Variants in ABCC4 observed in about 807,000 individuals in gnomAD.
ABCC4 encodes ATP-binding cassette sub-family C member 4.
ABCC4 carries 102 observed loss-of-function variants against 168.5 expected under a neutral mutation model. The ratio of observed to expected loss-of-function variants is 0.61; its 90% CI spans 0.52 to 0.71. ABCC4 has a LOEUF of 0.71. Among genes scored for constraint, ABCC4 ranks in the 30% least tolerant of loss-of-function variants. The probability of loss-of-function intolerance (pLI) is 0.00; values close to 1 mark genes in which losing one functional copy is unlikely to be tolerated. For synonymous variants in ABCC4, 617 were observed against 590.7 expected (o/e 1.04, Z -0.65); for missense variants, 1,402 against 1,605.8 (o/e 0.87, Z 2.17).
At chr13:95,037,362 A>C (rs1459008226) in intron 29 of ABCC4, among the ~76,000 whole-genome samples, 1 of 152,220 alleles carries the variant, frequency 6.6e-6, no homozygotes, top group Non-Finnish European at 1.5e-5. Context: ...AATAGAATGG[A>C]TAAGGTAATT....
intron 1 of ABCC4, among the ~76,000 whole-genome samples, chr13:95,258,857 T>G (rs2040456965): frequency 6.6e-6 from 1 of 152,224 alleles, no homozygotes; most frequent in African/African-American, 2.4e-5. Context: ...ATTGAAAGAA[T>G]AGTGCATTGT....
At chr13:95,182,307 T>C (rs140486545) in intron 11 of ABCC4, among the ~76,000 whole-genome samples, 9 of 150,752 alleles carry the variant, frequency 6.0e-5, no homozygotes, top group South Asian at 2.1e-4. Context: ...GTGAGCTATA[T>C]AGAAAAACAT....
chr13:95,030,087 G>A lies in ABCC4; in HGVS notation c.3870+4518C>T, dbSNP rs577046661. 7.9e-5 allele frequency among the ~76,000 whole-genome samples: 12 copies of A among 152,112 alleles called. No individual in the cohort carries two copies. In the East Asian group the frequency reaches 9.7e-4, roughly 12 times the overall value. On this transcript the variant is annotated intron_variant, in intron 30 of 30. Coordinates refer to ENST00000645237, the MANE Select transcript of ABCC4 (RefSeq NM_005845.5). ...CCAGGCTAGAGTGCAGTCGTGTGAC[G>A]TAGGCTCACTGCAACCTCCATCTCC...
At chr13:95,100,633 T>G (rs1443462967) in intron 20 of ABCC4, among the ~76,000 whole-genome samples, 1 of 152,200 alleles carries the variant, frequency 6.6e-6, no homozygotes, top group Non-Finnish European at 1.5e-5. Flanking sequence ...AATGTGGCAG[T>G]TGGCATGAAT....
chr13:95,225,979 A>AG (rs1352692122), intron 4 of ABCC4, among the ~76,000 whole-genome samples: 8 of 148,752 alleles, frequency 5.4e-5, no homozygotes, highest in Non-Finnish European at 8.9e-5. Flanking sequence ...AAAAAAAAAA[A>AG]AAAAAGAAAA....
intron 3 of ABCC4, among the ~76,000 whole-genome samples, chr13:95,244,670 A>AAATAAATCAATCAATC (rs1555336345): frequency 9.4e-6 from 1 of 106,358 alleles, no homozygotes; most frequent in Non-Finnish European, 2.1e-5. Context: ...AGAAAGAAAG[A>AAATAAATCAATCAATC]AATCATAGCA....
intron 22 of ABCC4, 127 bp downstream of exon 22, chr13:95,075,305 C>T (rs953154701): frequency 7.9e-6 from 10 of 1,272,514 alleles, no homozygotes; most frequent in African/African-American, 3.0e-5. Context: ...GACGAAGATG[C>T]GCAAAAAAAG....
Position 95,178,106 on chromosome 13 carries a change from G to C in ABCC4, c.1546-15C>G. On this transcript the variant is annotated splice_polypyrimidine_tract_variant and intron_variant, in intron 11 of 30. Transcript: ENST00000645237. Reference sequence around the variant, plus strand: ...AGCTGTAAATCCTGTATGGACAAAGGAAAGAAGGGGGGAAAAAGAGACTTA... The same window carrying C: ...AGCTGTAAATCCTGTATGGACAAAGCAAAGAAGGGGGGAAAAAGAGACTTA... 1 of 1,607,272 alleles carries C rather than the reference G, an allele frequency of 6.2e-7. No individual in the cohort carries two copies.
Position 95,115,910 on chromosome 13 carries a change from T to C in ABCC4, c.2535+12A>G, listed in dbSNP as rs1450973483. The C allele has an allele frequency of 6.2e-7, 1 of 1,606,770 alleles. No homozygotes were observed. Among genetic ancestry groups the C allele is most frequent in the East Asian group, 2.2e-5 (1 of 44,770 alleles). On this transcript the variant is annotated intron_variant, in intron 20 of 30. Coordinates refer to ENST00000645237, the MANE Select transcript of ABCC4 (RefSeq NM_005845.5). The stretch of plus-strand genomic sequence containing the variant: ...TTTCCATTTGAGATCCTGACATTAC[T>C]CTCAACGTTACCTGGATGAAATCTA...
intron 1 of ABCC4, among the ~76,000 whole-genome samples, chr13:95,281,691 A>C (rs930246570): frequency 2.8e-4 from 43 of 152,310 alleles, no homozygotes; most frequent in African/African-American, 1.0e-3. Context: ...AGTCTAACAG[A>C]GGACACATTA....
chr13:95,218,917 G>GAGAAAGAAAGAAAGAA (rs1164936858), intron 4 of ABCC4, among the ~76,000 whole-genome samples: 2 of 36,042 alleles, frequency 5.5e-5, no homozygotes, highest in African/African-American at 1.2e-4. Context: ...GAGAGAGAGA[G>GAGAAAGAAAGAAAGAA]AGAAAGAAAG....
At chr13:95,153,855 T>C (rs2036769661) in intron 19 of ABCC4, among the ~76,000 whole-genome samples, 1 of 152,234 alleles carries the variant, frequency 6.6e-6, no homozygotes, top group South Asian at 2.1e-4. Flanking sequence ...CAAATATATG[T>C]AACTACGTAA....
chr13:95,046,102 G>A (rs888399273), intron 27 of ABCC4, among the ~76,000 whole-genome samples: 1 of 152,180 alleles, frequency 6.6e-6, no homozygotes, highest in Non-Finnish European at 1.5e-5. Flanking sequence ...ACAAAGAAGA[G>A]GACTTGCTGA....
chr13:95,256,928 C>G (rs561929163), intron 1 of ABCC4, among the ~76,000 whole-genome samples: 1 of 152,306 alleles, frequency 6.6e-6, no homozygotes, highest in African/African-American at 2.4e-5. Context: ...GAATAAGACT[C>G]CTTAACAAAG....
intron 19 of ABCC4, among the ~76,000 whole-genome samples, chr13:95,159,119 A>ATATATATG (rs1310148101): frequency 9.0e-5 from 12 of 133,640 alleles, no homozygotes; most frequent in Non-Finnish European, 2.0e-4. Context: ...ATATATATAT[A>ATATATATG]TATATATATA....
intron 4 of ABCC4, among the ~76,000 whole-genome samples, chr13:95,230,229 C>A (rs1430261197): frequency 6.6e-6 from 1 of 152,152 alleles, no homozygotes; most frequent in Non-Finnish European, 1.5e-5. Flanking sequence ...TCCGAGGAAC[C>A]TGAACAAACC....
Position 95,062,839 on chromosome 13 carries a change from G to A in ABCC4, c.3231C>T (p.Thr1077=), listed in dbSNP as rs754903831. Residue 1077 remains threonine, a synonymous_variant, in exon 26 of 31, where the codon ACC becomes ACT. Coordinates refer to ENST00000645237, the MANE Select transcript of ABCC4 (RefSeq NM_005845.5). ...AGATGAGGGAACTTTTTCCAGCTCC[G>A]GTTCTTCCCACAATGCCAACCTACA... ...SQEKVGIVGR[T]GAGKSSLISA... 20 of 1,612,576 alleles carry A rather than the reference G, an allele frequency of 1.2e-5. No individual in the cohort carries two copies. The highest frequency in any genetic ancestry group is 6.7e-5 in the Admixed American group (4 of 59,866).
intron 16 of ABCC4, 24 bp downstream of exon 16, chr13:95,164,354 C>A (rs11568665): frequency 6.2e-7 from 1 of 1,612,934 alleles, no homozygotes. Context: ...ATTTTGAGGG[C>A]GCAAAACAAA....
At chr13:95,091,366 CAAAG>C (rs1185713581) in intron 20 of ABCC4, among the ~76,000 whole-genome samples, 1 of 152,008 alleles carries the variant, frequency 6.6e-6, no homozygotes, top group East Asian at 1.9e-4. Context: ...AAGGTAAGAC[CAAAG>C]AAAGAATCTT....
Sources: allele counts gnomAD v4.1 joint callset (sites outside exome capture counted in the v4.1 genomes callset), GRCh38; gene constraint gnomAD v4.1.1; transcripts MANE v1.5; gene names NCBI Gene and HGNC (gene_info 2026-07-23, HGNC 2026-07-21).